SIPA1L1: variants seen among roughly 807,000 people sequenced by gnomAD.
SIPA1L1 encodes the protein signal induced proliferation associated 1 like 1, also known as signal-induced proliferation-associated 1-like protein 1.
Under a neutral mutation model 162.7 loss-of-function variants are expected in SIPA1L1, and 26 were observed. That is an observed-to-expected ratio of 0.16 (90% CI 0.12 to 0.22). The LOEUF (loss-of-function observed/expected upper bound fraction) is 0.22. SIPA1L1 is among the 10% of genes least tolerant of loss of function. The pLI, the probability that SIPA1L1 is intolerant of heterozygous loss-of-function variation, is 1.00. For synonymous variants in SIPA1L1, 829 were observed against 837.4 expected (o/e 0.99, Z 0.17); for missense variants, 1,874 against 2,241.0 (o/e 0.84, Z 3.31).
intron 2 of SIPA1L1, among the ~76,000 whole-genome samples, chr14:71,444,479 G>A (rs1294498675): frequency 6.6e-6 from 1 of 152,148 alleles, no homozygotes; most frequent in East Asian, 1.9e-4. Context: ...CTAATTCATG[G>A]TTCTCAGAAT....
intron 5 of SIPA1L1, among the ~76,000 whole-genome samples, chr14:71,617,754 C>T (rs1036169451): frequency 1.3e-5 from 2 of 152,008 alleles, no homozygotes; most frequent in African/African-American, 4.8e-5. Context: ...TGTCACAATC[C>T]AGTCATTTAG....
At chr14:71,321,051 C>G (rs1316672898) in intron 1 of SIPA1L1, 71 bp from the exon 2 acceptor site, 1 of 152,112 alleles carries the variant, frequency 6.6e-6, no homozygotes, top group Non-Finnish European at 1.5e-5. Flanking sequence ...GGGCCGGCCT[C>G]GCCGCTCTCC....
At position 71,431,012 on chromosome 14, in the gene SIPA1L1, G is replaced by GA. The variant is rs568121336; in HGVS notation, c.-464-81723dup. 4.7e-4 allele frequency among the ~76,000 whole-genome samples: 72 copies of GA among 151,686 alleles called. 2 individuals carry two copies. In the South Asian group the frequency reaches 0.014, roughly 30 times the overall value. On this transcript the variant is annotated intron_variant, in intron 2 of 23. Coordinates refer to ENST00000381232, the MANE Select transcript of SIPA1L1 (RefSeq NM_001386936.1). ...ACACTTATATTTTTTGTTATTTAGG[G>GA]AAAAAAAACTTCTTGAGAACAAATT...
chr14:71,329,768 C>T (rs2034299420), intron 2 of SIPA1L1, among the ~76,000 whole-genome samples: 1 of 152,074 alleles, frequency 6.6e-6, no homozygotes, highest in Non-Finnish European at 1.5e-5. Context: ...TCTGTTCAAG[C>T]CTTCTGCCCA....
At chr14:71,691,408 AT>A (rs2081244906) in intron 13 of SIPA1L1, among the ~76,000 whole-genome samples, 1 of 152,174 alleles carries the variant, frequency 6.6e-6, no homozygotes, top group African/African-American at 2.4e-5. Context: ...CCTGGGCAAC[AT>A]AGTGAGACCC....
At chr14:71,565,646 A>C (rs2030330393) in intron 4 of SIPA1L1, among the ~76,000 whole-genome samples, 1 of 152,204 alleles carries the variant, frequency 6.6e-6, no homozygotes. Context: ...TCATTGCATA[A>C]ATAAATATCC....
At chr14:71,724,101 G>C (rs2084009307) in intron 18 of SIPA1L1, among the ~76,000 whole-genome samples, 1 of 152,100 alleles carries the variant, frequency 6.6e-6, no homozygotes, top group Non-Finnish European at 1.5e-5. Flanking sequence ...AAAATGTTAG[G>C]ATTTGAGAAT....
intron 2 of SIPA1L1, among the ~76,000 whole-genome samples, chr14:71,419,480 CTT>C (rs779874892): frequency 1.2e-5 from 1 of 85,244 alleles, no homozygotes; most frequent in Non-Finnish European, 2.3e-5. Flanking sequence ...GAGGATCTCT[CTT>C]TTTTTTTTTT....
intron 13 of SIPA1L1, among the ~76,000 whole-genome samples, chr14:71,695,386 G>A (rs774522202): frequency 5.9e-5 from 9 of 152,222 alleles, no homozygotes; most frequent in Middle Eastern, 3.4e-3. Context: ...CTATTTTTTC[G>A]CTTTGGGATA....
chr14:71,661,471 T>C lies in SIPA1L1; in HGVS notation c.2255+4T>C, dbSNP rs1209426666. 3.1e-6 allele frequency: 5 copies of C among 1,611,462 alleles called. No individual in the cohort carries two copies. The highest frequency in any genetic ancestry group is 2.5e-6 in the Non-Finnish European group (3 of 1,178,276). On this transcript the variant is annotated splice_donor_region_variant and intron_variant, in intron 10 of 23. Coordinates refer to ENST00000381232, the MANE Select transcript of SIPA1L1 (RefSeq NM_001386936.1). ...GCTCTGACAGTGTCTGTTATAGGTG[T>C]GTATGGGTGTCACAGCAGGGGCTCT...
intron 2 of SIPA1L1, among the ~76,000 whole-genome samples, chr14:71,512,231 A>G (rs904555168): frequency 6.6e-6 from 1 of 152,166 alleles, no homozygotes; most frequent in African/African-American, 2.4e-5. Flanking sequence ...CCAAATTCCT[A>G]CAGGGGTCTG....
chr14:71,586,473 C>T (rs764386936), intron 4 of SIPA1L1: 1 of 152,210 alleles, frequency 6.6e-6, no homozygotes, highest in Non-Finnish European at 1.5e-5. Context: ...CCTGTCAGCT[C>T]AGTGCTGGTT....
At chr14:71,328,734 T>A (rs1340482402) in intron 2 of SIPA1L1, among the ~76,000 whole-genome samples, 1 of 152,214 alleles carries the variant, frequency 6.6e-6, no homozygotes, top group Non-Finnish European at 1.5e-5. Flanking sequence ...AGATGGGACA[T>A]GTACATGCAA....
chr14:71,477,227 C>G (rs893279438), intron 2 of SIPA1L1, among the ~76,000 whole-genome samples: 3 of 152,142 alleles, frequency 2.0e-5, no homozygotes, highest in African/African-American at 4.8e-5. Context: ...TGCTACTGCA[C>G]TCCAGCCTGG....
chr14:71,483,398 C>T (rs1210064317), intron 2 of SIPA1L1, among the ~76,000 whole-genome samples: 1 of 152,172 alleles, frequency 6.6e-6, no homozygotes, highest in Non-Finnish European at 1.5e-5. Context: ...ATTCATCTTT[C>T]ATGTACAGTG....
intron 7 of SIPA1L1, among the ~76,000 whole-genome samples, chr14:71,641,192 G>A (rs1351150784): frequency 1.3e-5 from 2 of 151,566 alleles, no homozygotes; most frequent in East Asian, 3.9e-4. Context: ...CAGTATTTGA[G>A]GAAATGCTGG....
At chr14:71,385,271 C>G (rs1052187239) in intron 2 of SIPA1L1, among the ~76,000 whole-genome samples, 9 of 152,156 alleles carry the variant, frequency 5.9e-5, no homozygotes, top group African/African-American at 1.2e-4. Context: ...TTTACTGACT[C>G]TGATTATTCT....
chr14:71,655,095 AG>A (rs1467601249), intron 8 of SIPA1L1, among the ~76,000 whole-genome samples: 1 of 152,130 alleles, frequency 6.6e-6, no homozygotes, highest in Non-Finnish European at 1.5e-5. Flanking sequence ...GAGGTGGAGT[AG>A]GGTTCTCCAA....
intron 14 of SIPA1L1, among the ~76,000 whole-genome samples, chr14:71,699,453 C>T (rs2081919106): frequency 1.3e-5 from 2 of 151,882 alleles, no homozygotes; most frequent in Non-Finnish European, 2.9e-5. Context: ...GAAAAAACAC[C>T]TGTACAAGTT....
Sources: allele counts gnomAD v4.1 joint callset (sites outside exome capture counted in the v4.1 genomes callset), GRCh38; gene constraint gnomAD v4.1.1; transcripts MANE v1.5; gene names NCBI Gene and HGNC (gene_info 2026-07-23, HGNC 2026-07-21).